Variants in PTPRD observed in about 807,000 individuals in gnomAD.
PTPRD encodes protein tyrosine phosphatase receptor type D.
In PTPRD, 34 loss-of-function variants were observed where a neutral mutation model predicts 214.5. The observed-to-expected ratio is 0.16, with a 90% CI of 0.12 to 0.21. PTPRD has a LOEUF of 0.21. PTPRD is among the 10% of genes least tolerant of loss of function. The pLI is 1.00. For missense variants in PTPRD, 2,545 were observed against 2,398.7 expected, an observed-to-expected ratio of 1.06 and a Z score of -1.27; for synonymous variants, 1,128 against 845.7, an observed-to-expected ratio of 1.33 and a Z score of -5.79.
chr9:9,519,422 T>C (rs1051943318), intron 8 of PTPRD, among the ~76,000 whole-genome samples: 1 of 151,654 alleles, frequency 6.6e-6, no homozygotes, highest in Non-Finnish European at 1.5e-5. Context: ...TAGAAATGAC[T>C]AATACAACTA....
rs183044124 is a variant in PTPRD at position 8,612,854 on chromosome 9, C to T, written c.352+20463G>A. Among the ~76,000 whole-genome samples the T allele has an allele frequency of 2.5e-4, 38 of 152,198 alleles. No homozygotes were observed. In the East Asian group the frequency reaches 7.2e-3, roughly 29 times the overall value. ...ACTATTAGCATGTTTTAAACAATTG[C>T]CTCTAGAGTGATTATTTAAAATTAT... On this transcript the variant is annotated intron_variant, in intron 14 of 45. Transcript: ENST00000381196.
chr9:8,978,705 C>T (rs750901097), intron 11 of PTPRD, among the ~76,000 whole-genome samples: 1 of 151,994 alleles, frequency 6.6e-6, no homozygotes, highest in Non-Finnish European at 1.5e-5. Flanking sequence ...TAGCCTTGGA[C>T]GGCAATACTG....
chr9:8,451,968 T>C (rs1255871240), intron 33 of PTPRD: 1 of 410,816 alleles, frequency 2.4e-6, no homozygotes, highest in Admixed American at 3.2e-5. Context: ...AGCTGGAGGG[T>C]AGAAAAGAAA....
At chr9:9,440,035 T>C (rs2086906250) in intron 8 of PTPRD, among the ~76,000 whole-genome samples, 1 of 152,288 alleles carries the variant, frequency 6.6e-6, no homozygotes, top group East Asian at 1.9e-4. Flanking sequence ...AAAGGTTAGG[T>C]TGTCATGCAG....
At chr9:9,857,015 C>T (rs141990302) in intron 5 of PTPRD, among the ~76,000 whole-genome samples, 27 of 152,284 alleles carry the variant, frequency 1.8e-4, no homozygotes, top group African/African-American at 6.0e-4. Flanking sequence ...TCAAGATCAG[C>T]TGTGAGCCTT....
chr9:9,212,947 G>C (rs927604169), intron 9 of PTPRD, among the ~76,000 whole-genome samples: 3 of 152,112 alleles, frequency 2.0e-5, no homozygotes, highest in Non-Finnish European at 4.4e-5. Flanking sequence ...TATGGAATTA[G>C]CCTAGAGTTC....
intron 11 of PTPRD, among the ~76,000 whole-genome samples, chr9:8,937,777 A>G (rs2099007334): frequency 6.6e-6 from 1 of 152,170 alleles, no homozygotes; most frequent in African/African-American, 2.4e-5. Context: ...ATTTTATTCT[A>G]TCCATTATTA....
At chr9:10,302,104 G>A (rs1275448806) in intron 3 of PTPRD, among the ~76,000 whole-genome samples, 1 of 152,164 alleles carries the variant, frequency 6.6e-6, no homozygotes, top group Non-Finnish European at 1.5e-5. Flanking sequence ...AGAAGAGAGT[G>A]GGGGCCAATA....
intron 11 of PTPRD, among the ~76,000 whole-genome samples, chr9:8,791,091 G>C (rs185674897): frequency 6.6e-6 from 1 of 152,154 alleles, no homozygotes; most frequent in African/African-American, 2.4e-5. Context: ...TCTATGGAGA[G>C]AGTGAACTAA....
intron 4 of PTPRD, among the ~76,000 whole-genome samples, chr9:9,985,336 T>G (rs191673718): frequency 5.3e-5 from 8 of 152,330 alleles, no homozygotes; most frequent in South Asian, 4.1e-4. Flanking sequence ...TTTGCAATCC[T>G]TAATAATTAA....
At chr9:8,484,018 A>T in intron 30 of PTPRD, 101 bp downstream of exon 30, 1 of 1,431,866 alleles carries the variant, frequency 7.0e-7, no homozygotes, top group Non-Finnish European at 9.4e-7. Context: ...CTTTCACTAC[A>T]TTAAGCAGTA....
intron 2 of PTPRD, among the ~76,000 whole-genome samples, chr9:10,521,411 G>T (rs10809109): frequency 0.38 from 58,453 of 151,990 alleles, 12,808 homozygotes; most frequent in Non-Finnish European, 0.51. Flanking sequence ...CTTGAGGTGG[G>T]ATCTACTCCT....
intron 10 of PTPRD, among the ~76,000 whole-genome samples, chr9:9,026,132 T>C (rs1030103398): frequency 1.9e-5 from 1 of 51,758 alleles, no homozygotes; most frequent in Admixed American, 1.3e-4. Flanking sequence ...AGGAAGGCCT[T>C]ATAGAGATGG....
rs954765667 is a variant in PTPRD, at chr9:9,332,133, G to C, written c.-203+65316C>G. Among the ~76,000 whole-genome samples, 3 of 152,038 alleles carry C rather than the reference G, an allele frequency of 2.0e-5. No individual in the cohort carries two copies. In the East Asian group the frequency reaches 5.8e-4, roughly 29 times the overall value. On this transcript the variant is annotated intron_variant, in intron 9 of 45. Transcript: ENST00000381196. ...AGCAATACACAGAAAATGATTTCAT[G>C]CTAAAAATACCAAATTGTAAGAATG...
At chr9:8,768,489 G>T (rs2094937791) in intron 11 of PTPRD, among the ~76,000 whole-genome samples, 1 of 152,144 alleles carries the variant, frequency 6.6e-6, no homozygotes, top group African/African-American at 2.4e-5. Flanking sequence ...AGAGGAGGAG[G>T]CTGCAGTGAG....
chr9:10,249,101 C>T (rs1268656472), intron 3 of PTPRD, among the ~76,000 whole-genome samples: 1 of 152,048 alleles, frequency 6.6e-6, no homozygotes, highest in Non-Finnish European at 1.5e-5. Flanking sequence ...ATTTGACCTG[C>T]ATTTCAAAAT....
At position 8,437,202 on chromosome 9, in the gene PTPRD, A is replaced by AG. The variant is rs1263800608; in HGVS notation, c.3989-514dup. 2.0e-6 allele frequency: 3 copies of AG among 1,523,958 alleles called. No homozygotes were observed. In the African/African-American group the frequency reaches 4.1e-5, roughly 21 times the overall value. The allele number at this position is 1,523,958 out of a possible 1,614,324, so 94.4% of individuals were successfully genotyped here. On this transcript the variant is annotated intron_variant, in intron 34 of 45. Transcript: ENST00000381196. Reference sequence around the variant, plus strand: ...GCATAATCAAGGAAAACTAACTTGAAGAATGAAGGTTACCAGGGTAACCGG... The same window carrying AG: ...GCATAATCAAGGAAAACTAACTTGAAGGAATGAAGGTTACCAGGGTAACCGG...
intron 11 of PTPRD, among the ~76,000 whole-genome samples, chr9:8,934,397 G>GTGTGTT (rs1398104750): frequency 6.5e-5 from 2 of 30,890 alleles, no homozygotes; most frequent in African/African-American, 5.5e-4. Flanking sequence ...CTAATTATGT[G>GTGTGTT]TGTGTGTGTG....
chr9:8,414,930 G>GAGAGAGAGAGAGA (rs2093802531), intron 35 of PTPRD, among the ~76,000 whole-genome samples: 31 of 49,260 alleles, frequency 6.3e-4, no homozygotes, highest in African/African-American at 2.4e-3. Flanking sequence ...AGAGGGAGGG[G>GAGAGAGAGAGAGA]GAGAGAGAGA....
Sources: allele counts gnomAD v4.1 joint callset (sites outside exome capture counted in the v4.1 genomes callset), GRCh38; gene constraint gnomAD v4.1.1; transcripts MANE v1.5; gene names NCBI Gene and HGNC (gene_info 2026-07-23, HGNC 2026-07-21).